Variants in PPIL4 observed in about 807,000 individuals in gnomAD.
The protein encoded by PPIL4 is peptidylprolyl isomerase like 4.
Under a neutral mutation model 69.1 loss-of-function variants are expected in PPIL4, and 50 were observed. That is an observed-to-expected ratio of 0.72 (90% CI 0.58 to 0.92). The LOEUF is 0.92. Ranked by LOEUF, PPIL4 falls within the 40% of genes least tolerant of loss-of-function variation. The pLI is 0.00. For missense variants in PPIL4, 480 were observed against 587.9 expected (o/e 0.82, Z 1.90); for synonymous variants, 193 against 191.6 (o/e 1.01, Z -0.06).
intron 9 of PPIL4, among the ~76,000 whole-genome samples, chr6:149,522,508 A>G (rs1055794961): frequency 6.6e-6 from 1 of 152,208 alleles, no homozygotes; most frequent in African/African-American, 2.4e-5. Flanking sequence ...ACATATATGG[A>G]TACCGATTTA....
intron 12 of PPIL4, among the ~76,000 whole-genome samples, chr6:149,511,363 G>A (rs1324831083): frequency 6.6e-6 from 1 of 151,994 alleles, no homozygotes; most frequent in Non-Finnish European, 1.5e-5. Context: ...CCAAGTAGCT[G>A]AGACCATAGG....
At chr6:149,524,264 G>A (rs546519760) in intron 9 of PPIL4, among the ~76,000 whole-genome samples, 1 of 152,116 alleles carries the variant, frequency 6.6e-6, no homozygotes, top group African/African-American at 2.4e-5. Context: ...TTGGAAAAGG[G>A]GATGGTCCCT....
At position 149,517,397 on chromosome 6, in the gene PPIL4, G is replaced by A. The variant is rs974957425; in HGVS notation, c.1036C>T (p.Pro346Ser). ...TTATCTTTCAGAACCAAATTAGGTG[G>A]TTTATCCTGTTCTTTTTCATACTCC... ...FKEYEKEQDK[P>S]PNLVLKDKVK... Residue 346 changes from proline (P) to serine (S), a missense_variant, in exon 11 of 13, where the codon CCA becomes TCA. Coordinates refer to ENST00000253329, the MANE Select transcript of PPIL4 (RefSeq NM_139126.4). 2.4e-5 allele frequency: 39 copies of A among 1,606,810 alleles called. No homozygotes were observed. The highest frequency in any genetic ancestry group is 3.3e-5 in the Non-Finnish European group (39 of 1,174,788).
chr6:149,541,329 A>G (rs1285937181), intron 3 of PPIL4, 38 bp downstream of exon 3: 4 of 839,416 alleles, frequency 4.8e-6, no homozygotes, highest in Non-Finnish European at 6.6e-6. Flanking sequence ...AAATAAATAA[A>G]TAAATAAATA....
Position 149,529,391 on chromosome 6 carries a change from G to A in PPIL4, c.679-2615C>T, listed in dbSNP as rs561664515. ...GAGGATTACTTGAGCCCTGGAGGTC[G>A]GGGTGCAGTGAGCCATTATTGTGCC... On this transcript the variant is annotated intron_variant, in intron 7 of 12. Transcript: ENST00000253329. Among the ~76,000 whole-genome samples the A allele has an allele frequency of 1.6e-3, 239 of 151,818 alleles. 1 individual carries two copies. Among genetic ancestry groups the A allele is most frequent in the African/African-American group, 5.3e-3 (221 of 41,386 alleles).
intron 1 of PPIL4, among the ~76,000 whole-genome samples, chr6:149,542,808 C>A (rs949900194): frequency 6.6e-6 from 1 of 151,984 alleles, no homozygotes; most frequent in South Asian, 2.1e-4. Context: ...TATGAAAAGG[C>A]CTGGAAGTGG....
At chr6:149,521,433 T>A (rs139122960) in intron 9 of PPIL4, among the ~76,000 whole-genome samples, 1 of 152,200 alleles carries the variant, frequency 6.6e-6, no homozygotes, top group South Asian at 2.1e-4. Context: ...GCCAGGATTT[T>A]AGAGAGACAG....
chr6:149,504,550 G>GA lies in PPIL4; in HGVS notation c.*902dup, dbSNP rs1257331083. On this transcript the variant is annotated 3_prime_UTR_variant, in exon 13 of 13. Coordinates refer to ENST00000253329, the MANE Select transcript of PPIL4 (RefSeq NM_139126.4). ...GACAGAAAACCTTAAAAGCAGCCAG[G>GA]AAAAAAATGACATCTTACACATGGA... Among the ~76,000 whole-genome samples, 2 of 152,014 alleles carry GA rather than the reference G, an allele frequency of 1.3e-5. No individual in the cohort carries two copies. Among genetic ancestry groups the GA allele is most frequent in the Admixed American group, 6.6e-5 (1 of 15,254 alleles).
Position 149,531,688 on chromosome 6 carries a change from G to T in PPIL4, c.678+1770C>A, listed in dbSNP as rs560489087. On this transcript the variant is annotated intron_variant, in intron 7 of 12. Transcript: ENST00000253329. The stretch of plus-strand genomic sequence containing the variant: ...CTGTAATTTCTTTTTTCTTTTTTTT[G>T]AGACGGAGTCTCGCCCTGTTGCCCA... 4.8e-4 allele frequency among the ~76,000 whole-genome samples: 72 copies of T among 151,246 alleles called. No homozygotes were observed. In the East Asian group the frequency reaches 0.013, roughly 27 times the overall value.
chr6:149,516,168 A>G (rs1776940580), intron 11 of PPIL4, among the ~76,000 whole-genome samples: 1 of 152,254 alleles, frequency 6.6e-6, no homozygotes. Context: ...ATTTAATTTC[A>G]AAGATTTGGT....
chr6:149,545,761 C>A (rs932440935), intron 1 of PPIL4, among the ~76,000 whole-genome samples, 175 bp downstream of exon 1: 1 of 152,210 alleles, frequency 6.6e-6, no homozygotes, highest in Admixed American at 6.5e-5. Context: ...CAAACGAATT[C>A]CCGTCACAAA....
At chr6:149,527,436 A>G (rs1777124882) in intron 7 of PPIL4, among the ~76,000 whole-genome samples, 1 of 152,262 alleles carries the variant, frequency 6.6e-6, no homozygotes. Flanking sequence ...ACAGTGGTAA[A>G]CAACAGAGCT....
chr6:149,529,998 G>A (rs1314265031), intron 7 of PPIL4, among the ~76,000 whole-genome samples: 1 of 152,078 alleles, frequency 6.6e-6, no homozygotes, highest in Non-Finnish European at 1.5e-5. Flanking sequence ...GGTGTTGGGG[G>A]TGGGGATGAA....
At chr6:149,524,900 CAA>C (rs961035273) in intron 9 of PPIL4, among the ~76,000 whole-genome samples, 6 of 134,670 alleles carry the variant, frequency 4.5e-5, no homozygotes, top group Middle Eastern at 3.6e-3. Flanking sequence ...GACCCTGTCT[CAA>C]AAAAAAAAAA....
chr6:149,537,800 G>T (rs547252927), intron 4 of PPIL4, among the ~76,000 whole-genome samples: 1 of 152,266 alleles, frequency 6.6e-6, no homozygotes, highest in East Asian at 1.9e-4. Context: ...TTACAGCAGG[G>T]TTTATCAAAT....
chr6:149,523,640 G>A (rs1462252937), intron 9 of PPIL4, among the ~76,000 whole-genome samples: 3 of 151,448 alleles, frequency 2.0e-5, no homozygotes, highest in Non-Finnish European at 4.4e-5. Context: ...GCAGTGAGCT[G>A]AGATCATGCG....
At chr6:149,544,588 AC>A in intron 1 of PPIL4, among the ~76,000 whole-genome samples, 1 of 152,354 alleles carries the variant, frequency 6.6e-6, no homozygotes, top group African/African-American at 2.4e-5. Flanking sequence ...TTTATAAAAG[AC>A]CTAAGACACA....
At chr6:149,515,673 C>A (rs578239237) in intron 11 of PPIL4, among the ~76,000 whole-genome samples, 1 of 152,228 alleles carries the variant, frequency 6.6e-6, no homozygotes, top group East Asian at 1.9e-4. Flanking sequence ...CTGTTGATTA[C>A]TTGTCATACC....
intron 12 of PPIL4, among the ~76,000 whole-genome samples, chr6:149,507,917 G>A (rs888534488): frequency 4.6e-5 from 7 of 152,196 alleles, no homozygotes; most frequent in Non-Finnish European, 1.0e-4. Context: ...CAAAGGGTAA[G>A]TGAGCTTGGG....
Sources: gnomAD v4.1 joint callset for allele counts (sites outside exome capture counted in the v4.1 genomes callset) on GRCh38, gnomAD v4.1.1 for gene constraint, MANE v1.5 for transcripts, NCBI Gene and HGNC (gene_info 2026-07-23, HGNC 2026-07-21) for gene names.